The following PLXNC1 variants were observed in gnomAD, a reference collection of about 807,000 sequenced individuals.
PLXNC1 encodes the protein plexin-C1.
Under a neutral mutation model 178.2 loss-of-function variants are expected in PLXNC1, and 75 were observed. The observed-to-expected ratio is 0.42, with a 90% CI of 0.35 to 0.51. PLXNC1 has a LOEUF of 0.51. Among genes scored for constraint, PLXNC1 ranks in the 20% least tolerant of loss-of-function variants. PLXNC1 has a pLI of 0.02. For missense variants in PLXNC1, 1,503 were observed against 1,984.4 expected, an observed-to-expected ratio of 0.76 and a Z score of 4.61; for synonymous variants, 790 against 779.9, an observed-to-expected ratio of 1.01 and a Z score of -0.22.
chr12:94,273,724 A>G (rs1342962743), intron 21 of PLXNC1, among the ~76,000 whole-genome samples: 2 of 152,206 alleles, frequency 1.3e-5, no homozygotes, highest in Admixed American at 6.5e-5. Context: ...TGCCCTGCAC[A>G]CAATAGGTGC....
rs528739294 is a variant in PLXNC1 at position 94,260,937 on chromosome 12, C to T, written c.3450+97C>T. 40 of 1,001,092 alleles carry T rather than the reference C, an allele frequency of 4.0e-5. No homozygotes were observed. Among genetic ancestry groups the T allele is most frequent in the East Asian group, 2.6e-4 (10 of 38,816 alleles). The allele number at this position is 1,001,092 out of a possible 1,614,324, so 62.0% of individuals were successfully genotyped here. On this transcript the variant is annotated intron_variant, in intron 20 of 30. Transcript: ENST00000258526. This position sits in a 1 kb window ranked among gnomAD's most constrained non-coding sequence, Gnocchi z 4.4. ...TTTGCCAGGATAAATCCTGAATGCT[C>T]GATGGTGTCAGCACTTAACCATGTT...
rs1471271066 is a variant in PLXNC1 at position 94,287,810 on chromosome 12, A to T, written c.3879+5409A>T. Among the ~76,000 whole-genome samples, 20 of 152,226 alleles carry T rather than the reference A, an allele frequency of 1.3e-4. 1 individual carries two copies. The highest frequency in any genetic ancestry group is 1.3e-3 in the Admixed American group (20 of 15,288). ...TCTGTTGCAGTGTGAATGTCTTTAGATATTCATTTAACAAACACGTATAAT... is the reference window on the plus strand; with the variant it reads ...TCTGTTGCAGTGTGAATGTCTTTAGTTATTCATTTAACAAACACGTATAAT... On this transcript the variant is annotated intron_variant, in intron 23 of 30. Transcript: ENST00000258526.
At chr12:94,158,748 C>T (rs1480512638) in intron 1 of PLXNC1, among the ~76,000 whole-genome samples, 2 of 152,186 alleles carry the variant, frequency 1.3e-5, no homozygotes, top group African/African-American at 2.4e-5. Context: ...CCAGCCTGAA[C>T]AACGTAACAC....
rs1964365895 is a variant in PLXNC1 at position 94,240,738 on chromosome 12, A to G, written c.2300+74A>G. 3 of 1,182,986 alleles carry G rather than the reference A, an allele frequency of 2.5e-6. No homozygotes were observed. The Admixed American group carries it at 6.7e-5, about 26-fold the overall frequency. The allele number at this position is 1,182,986 out of a possible 1,614,324, so 73.3% of individuals were successfully genotyped here. ...TGCCCAAAGATCATTGATTTTATTC[A>G]AGTAAATTCAGAAACAGTGGTCATT... On this transcript the variant is annotated intron_variant, in intron 11 of 30. Transcript: ENST00000258526.
chr12:94,197,186 T>G (rs1047612936), intron 4 of PLXNC1, among the ~76,000 whole-genome samples: 7 of 152,210 alleles, frequency 4.6e-5, no homozygotes, highest in African/African-American at 1.7e-4. Context: ...GATCCTCCAC[T>G]TACTCACATC....
At chr12:94,206,257 T>A (rs1963294918) in intron 4 of PLXNC1, among the ~76,000 whole-genome samples, 1 of 144,762 alleles carries the variant, frequency 6.9e-6, no homozygotes, top group Non-Finnish European at 1.5e-5. Flanking sequence ...GGTTTGGAAC[T>A]TTTTTTTTTT....
chr12:94,266,330 G>A (rs972888618), intron 21 of PLXNC1, among the ~76,000 whole-genome samples: 5 of 152,198 alleles, frequency 3.3e-5, no homozygotes, highest in African/African-American at 9.7e-5. Context: ...GCTGCCATCC[G>A]AGAGCGGGAA....
intron 14 of PLXNC1, among the ~76,000 whole-genome samples, chr12:94,250,940 C>CCCAT (rs1214935419): frequency 6.6e-6 from 1 of 152,122 alleles, no homozygotes; most frequent in South Asian, 2.1e-4. Context: ...ATCACTTGAG[C>CCCAT]CCATGATGAG....
intron 1 of PLXNC1, among the ~76,000 whole-genome samples, chr12:94,165,140 A>G (rs1411885244): frequency 1.3e-5 from 2 of 152,204 alleles, no homozygotes; most frequent in Non-Finnish European, 2.9e-5. Context: ...AGGGGAGAGA[A>G]GGGCAAGATA....
chr12:94,282,966 C>A (rs1966558485), intron 23 of PLXNC1: 1 of 153,354 alleles, frequency 6.5e-6, no homozygotes, highest in African/African-American at 2.4e-5. Context: ...CCAGAGAAAC[C>A]TGCACATAAC....
intron 4 of PLXNC1, among the ~76,000 whole-genome samples, chr12:94,188,345 T>C (rs1962596955): frequency 7.7e-6 from 1 of 130,658 alleles, no homozygotes; most frequent in African/African-American, 2.8e-5. Flanking sequence ...TTTTTTGAGA[T>C]GGACTCTGGC....
intron 21 of PLXNC1, among the ~76,000 whole-genome samples, chr12:94,267,664 T>C (rs1182746037): frequency 6.6e-6 from 1 of 152,220 alleles, no homozygotes; most frequent in Non-Finnish European, 1.5e-5. Context: ...CCAGCCCCCC[T>C]TTCATGGTTG....
In PLXNC1 at chr12:94,237,702, G is replaced by A. The variant is rs779919403; in HGVS notation, c.2019G>A (p.Ser673=). The change falls in exon 10 of 31, where the codon TCG becomes TCA. Residue 673 remains serine (S), a synonymous_variant. Transcript: ENST00000258526. ...YIKSIEPQKV[S]TLGKSNVIVT... ...AGTCCATTGAGCCACAGAAAGTATCGACATTAGGGAAAAGCAACGTGATAG... is the reference window on the plus strand; with the variant it reads ...AGTCCATTGAGCCACAGAAAGTATCAACATTAGGGAAAAGCAACGTGATAG... 10 of 1,613,530 alleles carry A rather than the reference G, an allele frequency of 6.2e-6. No homozygotes were observed. The African/African-American group carries it at 6.7e-5, about 11-fold the overall frequency.
At chr12:94,248,485 C>T (rs1964591888) in intron 14 of PLXNC1, 73 bp downstream of exon 14, 1 of 1,129,980 alleles carries the variant, frequency 8.8e-7, no homozygotes, top group Non-Finnish European at 1.3e-6. Context: ...AACCAGAGGC[C>T]AGAATGGAAT....
chr12:94,231,885 A>T (rs1489545712), intron 9 of PLXNC1, among the ~76,000 whole-genome samples: 1 of 152,130 alleles, frequency 6.6e-6, no homozygotes, highest in African/African-American at 2.4e-5. Context: ...ACTCACTGAG[A>T]CCAGAGATAG....
rs1301534152 is a variant in PLXNC1, at chr12:94,187,194, A to AG, written c.1439+721_1439+722insG. 4.7e-3 allele frequency among the ~76,000 whole-genome samples: 690 copies of AG among 147,158 alleles called. 6 individuals are homozygous for AG. The highest frequency in any genetic ancestry group is 0.017 in the African/African-American group (660 of 39,954). On this transcript the variant is annotated intron_variant, in intron 4 of 30. Coordinates refer to ENST00000258526, the MANE Select transcript of PLXNC1 (RefSeq NM_005761.3). ...CAGGAAAGAGAGAGAGAGAGAGAGA[A>AG]AAAAAAACCCATAACAGTGTCTGTC...
At chr12:94,166,381 A>G (rs2135936525) in intron 1 of PLXNC1, among the ~76,000 whole-genome samples, 1 of 152,308 alleles carries the variant, frequency 6.6e-6, no homozygotes, top group African/African-American at 2.4e-5. Context: ...AATCACATTT[A>G]CAAAATTACT....
At position 94,197,437 on chromosome 12, in the gene PLXNC1, T is replaced by TTCTCTCTCTCTC. The variant is rs61069982; in HGVS notation, c.1439+10976_1439+10987dup. Reference sequence around the variant, plus strand: ...TGATAAAATGATACATTAGGCCCCTTTCTCTCTCTCTCTCTCTCTCTCTGT... The same window carrying TTCTCTCTCTCTC: ...TGATAAAATGATACATTAGGCCCCTTTCTCTCTCTCTCTCTCTCTCTCTCTCTCTCTCTCTGT... On this transcript the variant is annotated intron_variant, in intron 4 of 30. Transcript: ENST00000258526. 2.5e-3 allele frequency among the ~76,000 whole-genome samples: 368 copies of TTCTCTCTCTCTC among 148,640 alleles called. 1 individual carries two copies. The highest frequency in any genetic ancestry group is 8.8e-3 in the African/African-American group (352 of 40,206).
chr12:94,257,445 A>C (rs1439987093), intron 17 of PLXNC1, among the ~76,000 whole-genome samples: 1 of 152,172 alleles, frequency 6.6e-6, no homozygotes, highest in Non-Finnish European at 1.5e-5. Context: ...AGAAAAGGGA[A>C]ATTTGAATGA....
Sources: gnomAD v4.1 joint callset for allele counts (sites outside exome capture counted in the v4.1 genomes callset) on GRCh38, gnomAD v4.1.1 for gene constraint, Gnocchi (gnomAD v3.1) non-coding constraint, MANE v1.5 for transcripts, NCBI Gene and HGNC (gene_info 2026-07-23, HGNC 2026-07-21) for gene names.